The following FAM135B variants were observed in gnomAD, a reference collection of about 807,000 sequenced individuals.
FAM135B encodes the protein family with sequence similarity 135 member B, also known as protein FAM135B.
A neutral mutation model predicts 127.7 loss-of-function variants in FAM135B; 43 were observed. The observed-to-expected ratio is 0.34, with a 90% CI of 0.26 to 0.43. The LOEUF (loss-of-function observed/expected upper bound fraction) is 0.43, where lower values mean the gene tolerates loss of function less well. Among genes scored for constraint, FAM135B ranks in the 20% least tolerant of loss-of-function variants. FAM135B has a pLI of 1.00. For missense variants in FAM135B, 1,558 were observed against 1,725.6 expected (o/e 0.90, Z 1.72); for synonymous variants, 670 against 665.1 (o/e 1.01, Z -0.11).
chr8:138,162,505 C>T (rs1049953564), intron 12 of FAM135B, among the ~76,000 whole-genome samples: 1 of 152,148 alleles, frequency 6.6e-6, no homozygotes, highest in East Asian at 1.9e-4. Flanking sequence ...AGGCACCACT[C>T]AGGTAGGAGA....
At chr8:138,142,285 C>CTTTTTTTTTTTTTTTTTTTT (rs1166235927) in intron 16 of FAM135B, among the ~76,000 whole-genome samples, 1 of 99,934 alleles carries the variant, frequency 1.0e-5, no homozygotes. Context: ...CATTCTGCTT[C>CTTTTTTTTTTTTTTTTTTTT]TTCTTTTTTT....
intron 15 of FAM135B, 105 bp from the exon 16 acceptor site, chr8:138,143,214 T>C (rs183792446): frequency 1.3e-5 from 9 of 672,158 alleles, no homozygotes; most frequent in Admixed American, 1.3e-4. Flanking sequence ...CTACTGGGGA[T>C]GTGCCTACCT....
intron 1 of FAM135B, among the ~76,000 whole-genome samples, chr8:138,491,057 C>T (rs1036858040): frequency 6.7e-6 from 1 of 150,246 alleles, no homozygotes; most frequent in Non-Finnish European, 1.5e-5. Context: ...AGGAGAATCG[C>T]TTCAACCCAG....
At position 138,216,410 on chromosome 8, in the gene FAM135B, C is replaced by T. The variant is rs564723607; in HGVS notation, c.670-18741G>A. ...CTGAAGGTTATAGCATGAAGGCAGA[C>T]ATTTCTGCCTTCACCAGGCCTTCAG... On this transcript the variant is annotated intron_variant, in intron 7 of 19. Coordinates refer to ENST00000395297, the MANE Select transcript of FAM135B (RefSeq NM_015912.4). 4.5e-4 allele frequency among the ~76,000 whole-genome samples: 69 copies of T among 152,220 alleles called. No individual in the cohort carries two copies. The South Asian group carries it at 0.014, about 31-fold the overall frequency.
chr8:138,148,938 C>T (rs1817879523), intron 13 of FAM135B: 1 of 134,898 alleles, frequency 7.4e-6, no homozygotes, highest in African/African-American at 3.0e-5. Flanking sequence ...AATGAGAACA[C>T]TTGGACACAG....
intron 1 of FAM135B, among the ~76,000 whole-genome samples, chr8:138,479,775 A>G (rs904445644): frequency 6.6e-6 from 1 of 152,212 alleles, no homozygotes; most frequent in Non-Finnish European, 1.5e-5. Flanking sequence ...GTAGGTGCTT[A>G]TTAATATTTT....
At chr8:138,359,930 C>T (rs758190929) in intron 2 of FAM135B, among the ~76,000 whole-genome samples, 4 of 152,130 alleles carry the variant, frequency 2.6e-5, no homozygotes, top group Non-Finnish European at 4.4e-5. Context: ...AGATTTCAAT[C>T]CTAACATTTC....
In FAM135B at chr8:138,151,375, A is replaced by G. The variant is rs1206031374; in HGVS notation, c.3100T>C (p.Ser1034Pro). ...SLKAVEVVNL[S>P]VSCTATCLPF... ...AGACAGGTGGCAGTGCAAGACACAG[A>G]TAAGTTCACAACCTCCACAGCCTTC... Residue 1034 changes from serine (S) to proline (P), a missense_variant, in exon 13 of 20, where the codon TCT (serine) becomes CCT (proline). By Grantham distance (74) the Ser-to-Pro change is moderately conservative (BLOSUM62 -1). Around this residue, in one of 5 missense-constraint regions of FAM135B, gnomAD observed 923 missense variants for 865.3 expected, o/e 1.07. Transcript: ENST00000395297. 3 of 1,613,814 alleles carry G rather than the reference A, an allele frequency of 1.9e-6. No homozygotes were observed. The highest frequency in any genetic ancestry group is 1.7e-5 in the Admixed American group (1 of 59,952).
At chr8:138,437,436 G>C (rs1444490691) in intron 1 of FAM135B, 1 of 152,008 alleles carries the variant, frequency 6.6e-6, no homozygotes, top group Non-Finnish European at 1.5e-5. Context: ...GTTTTATAAG[G>C]GGCTCTTCCC....
intron 2 of FAM135B, among the ~76,000 whole-genome samples, chr8:138,316,654 C>T (rs1391614234): frequency 6.6e-6 from 1 of 152,046 alleles, no homozygotes; most frequent in Non-Finnish European, 1.5e-5. Context: ...AATGGAACAG[C>T]CACTCTGGAA....
intron 15 of FAM135B, among the ~76,000 whole-genome samples, chr8:138,143,693 T>C (rs75825306): frequency 0.013 from 1,996 of 152,306 alleles, 47 homozygotes; most frequent in African/African-American, 0.045. Context: ...ATTAGATTGG[T>C]TTCTATAACC....
chr8:138,273,051 T>C (rs1329790584), intron 3 of FAM135B, among the ~76,000 whole-genome samples: 4 of 152,158 alleles, frequency 2.6e-5, no homozygotes, highest in Non-Finnish European at 2.9e-5. Flanking sequence ...AGATGTAACA[T>C]ATAATAGGGG....
chr8:138,178,747 G>A (rs1814724826), intron 9 of FAM135B, 57 bp from the exon 10 acceptor site: 2 of 1,526,778 alleles, frequency 1.3e-6, no homozygotes, highest in South Asian at 1.2e-5. Context: ...GTCAGGAGCA[G>A]TCTTCTTCCT....
intron 1 of FAM135B, among the ~76,000 whole-genome samples, chr8:138,436,189 C>T (rs539555469): frequency 6.0e-4 from 91 of 152,212 alleles, no homozygotes; most frequent in Non-Finnish European, 1.2e-3. Flanking sequence ...GGCAAACAAG[C>T]GGCTAAGCAA....
intron 1 of FAM135B, among the ~76,000 whole-genome samples, chr8:138,425,222 G>T (rs886637662): frequency 1.3e-5 from 2 of 152,162 alleles, no homozygotes; most frequent in African/African-American, 4.8e-5. Context: ...GGATACATTT[G>T]ATCCTTACAG....
At chr8:138,371,133 G>C (rs1369778127) in intron 1 of FAM135B, among the ~76,000 whole-genome samples, 1 of 152,180 alleles carries the variant, frequency 6.6e-6, no homozygotes, top group East Asian at 1.9e-4. Flanking sequence ...GGTTTCTTGT[G>C]AGCTGCATGA....
chr8:138,152,842 C>T lies in FAM135B; in HGVS notation c.1633G>A (p.Asp545Asn), dbSNP rs1818307067. The T allele has an allele frequency of 1.2e-6, 2 of 1,614,206 alleles. No homozygotes were observed. The highest frequency in any genetic ancestry group is 8.5e-7 in the Non-Finnish European group (1 of 1,180,028). ...DTSRRSPGPE[D>N]GQAPVLTYID... ...TAGGTCAGCACTGGGGCCTGTCCAT[C>T]CTCTGGACCTGGACTCCTTCTAGAA... is the stretch of plus-strand genomic sequence containing the variant. The change falls in exon 13 of 20, where the codon GAT becomes AAT. Residue 545 changes from aspartate to asparagine, a missense_variant. Asp to Asn is a conservative substitution (Grantham distance 23). Around this residue, in one of 5 missense-constraint regions of FAM135B, gnomAD observed 923 missense variants for 865.3 expected, o/e 1.07. Coordinates refer to ENST00000395297, the MANE Select transcript of FAM135B (RefSeq NM_015912.4).
chr8:138,436,529 A>G (rs1186488063), intron 1 of FAM135B, among the ~76,000 whole-genome samples: 1 of 152,200 alleles, frequency 6.6e-6, no homozygotes, highest in Non-Finnish European at 1.5e-5. Flanking sequence ...TGTGAACTGC[A>G]ATGACAGGCT....
At chr8:138,319,382 C>T (rs897968325) in intron 2 of FAM135B, among the ~76,000 whole-genome samples, 2 of 152,192 alleles carry the variant, frequency 1.3e-5, no homozygotes, top group African/African-American at 2.4e-5. Context: ...GCTAGGATTA[C>T]AGGCGAGAGC....
Sources: allele counts gnomAD v4.1 joint callset (sites outside exome capture counted in the v4.1 genomes callset), GRCh38; gene constraint gnomAD v4.1.1; regional missense constraint gnomAD v4.1.1; transcripts MANE v1.5; gene names NCBI Gene and HGNC (gene_info 2026-07-23, HGNC 2026-07-21).